The following RBFOX1 variants were observed in gnomAD, a reference collection of about 807,000 sequenced individuals.
RBFOX1 encodes the protein RNA binding fox-1 homolog 1, also known as RNA binding protein fox-1 homolog 1.
Under a neutral mutation model 57.7 loss-of-function variants are expected in RBFOX1, and 8 were observed. That is an observed-to-expected ratio of 0.14 (90% confidence interval 0.08 to 0.25). The LOEUF is 0.25. RBFOX1 is among the 10% of genes least tolerant of loss of function. The pLI is 1.00. For synonymous variants in RBFOX1, 326 were observed against 222.4 expected (o/e 1.47, Z -4.15); for missense variants, 611 against 548.5 (o/e 1.11, Z -1.14).
At chr16:5,687,860 G>A (rs957164837) in intron 3 of RBFOX1, among the ~76,000 whole-genome samples, 1 of 152,118 alleles carries the variant, frequency 6.6e-6, no homozygotes, top group Non-Finnish European at 1.5e-5. Context: ...TACATTTGTG[G>A]TTGGCATCCC....
At chr16:7,708,423 C>G (rs1381521970) in intron 14 of RBFOX1, among the ~76,000 whole-genome samples, 1 of 152,138 alleles carries the variant, frequency 6.6e-6, no homozygotes, top group Non-Finnish European at 1.5e-5. Context: ...AATGCCTCCC[C>G]CTTCCCAGAA....
intron 4 of RBFOX1, among the ~76,000 whole-genome samples, chr16:5,945,742 C>T (rs146360845): frequency 6.6e-6 from 1 of 152,344 alleles, no homozygotes; most frequent in African/African-American, 2.4e-5. Context: ...ATCACCACCC[C>T]TGACTTTGCC....
intron 4 of RBFOX1, among the ~76,000 whole-genome samples, chr16:7,441,822 C>G (rs2149904533): frequency 6.6e-6 from 1 of 152,292 alleles, no homozygotes; most frequent in South Asian, 2.1e-4. Flanking sequence ...CAGGACTCAC[C>G]TTCGCCCAGC....
chr16:6,616,234 C>G (rs2098139067), intron 2 of RBFOX1, among the ~76,000 whole-genome samples: 1 of 152,134 alleles, frequency 6.6e-6, no homozygotes, highest in Non-Finnish European at 1.5e-5. Flanking sequence ...AATGTCTGTG[C>G]TCATATTCTC....
At chr16:7,648,043 G>A (rs892733985) in intron 11 of RBFOX1, among the ~76,000 whole-genome samples, 1 of 152,044 alleles carries the variant, frequency 6.6e-6, no homozygotes, top group East Asian at 1.9e-4. Flanking sequence ...CACCACACCT[G>A]TAGGCAAATA....
intron 3 of RBFOX1, among the ~76,000 whole-genome samples, chr16:5,796,443 C>G (rs2054881680): frequency 6.6e-6 from 1 of 152,142 alleles, no homozygotes. Flanking sequence ...TCAAAAGCAT[C>G]ACATGGGGTC....
chr16:5,870,913 A>G (rs116715378), intron 4 of RBFOX1, among the ~76,000 whole-genome samples: 1,729 of 152,210 alleles, frequency 0.011, 40 homozygotes, highest in African/African-American at 0.038. Flanking sequence ...TTTAAGCAGA[A>G]CAAACCCCAC....
intron 4 of RBFOX1, among the ~76,000 whole-genome samples, chr16:7,194,803 C>T (rs533744865): frequency 7.4e-4 from 113 of 151,912 alleles, no homozygotes; most frequent in African/African-American, 2.4e-3. Flanking sequence ...TGGTGCATGC[C>T]TGTGGTTCTC....
intron 14 of RBFOX1, among the ~76,000 whole-genome samples, chr16:7,700,505 G>A (rs1439083593): frequency 6.6e-6 from 1 of 152,146 alleles, no homozygotes; most frequent in Non-Finnish European, 1.5e-5. Flanking sequence ...TCTCATAAGG[G>A]ATACAATTTG....
intron 4 of RBFOX1, among the ~76,000 whole-genome samples, chr16:7,376,142 C>G (rs915654152): frequency 1.1e-4 from 17 of 152,108 alleles, no homozygotes; most frequent in Non-Finnish European, 1.9e-4. Context: ...ATTTAGTAAG[C>G]AAGGGATGAT....
At chr16:6,582,118 C>G (rs1045962509) in intron 2 of RBFOX1, among the ~76,000 whole-genome samples, 3 of 152,088 alleles carry the variant, frequency 2.0e-5, no homozygotes, top group African/African-American at 7.2e-5. Context: ...AGCATTGAGG[C>G]TGAGAAAGCT....
intron 1 of RBFOX1, among the ~76,000 whole-genome samples, chr16:6,213,542 C>A (rs1208745107): frequency 6.6e-6 from 1 of 152,212 alleles, no homozygotes; most frequent in Non-Finnish European, 1.5e-5. Context: ...GTACCGCCTT[C>A]TGCTATGCTG....
At chr16:7,331,448 C>G (rs1005123663) in intron 4 of RBFOX1, among the ~76,000 whole-genome samples, 3 of 152,164 alleles carry the variant, frequency 2.0e-5, no homozygotes, top group African/African-American at 7.2e-5. Context: ...TGGAACTACA[C>G]ACACCCACAT....
At chr16:6,412,909 A>T (rs980304020) in intron 2 of RBFOX1, among the ~76,000 whole-genome samples, 12 of 152,230 alleles carry the variant, frequency 7.9e-5, no homozygotes, top group African/African-American at 2.9e-4. Flanking sequence ...TGGCACTATC[A>T]GAAACGGAAC....
intron 12 of RBFOX1, among the ~76,000 whole-genome samples, chr16:7,660,562 G>A (rs560670571): frequency 6.6e-5 from 10 of 152,262 alleles, no homozygotes; most frequent in South Asian, 6.2e-4. Context: ...GAACTTTCCC[G>A]TAACCAGCTC....
At chr16:7,121,220 C>G (rs111899869) in intron 4 of RBFOX1, among the ~76,000 whole-genome samples, 3 of 152,012 alleles carry the variant, frequency 2.0e-5, no homozygotes, top group Non-Finnish European at 2.9e-5. Context: ...AGGAGCTCCA[C>G]TCTCACCAAA....
chr16:7,360,476 G>GA (rs2097300037), intron 4 of RBFOX1, among the ~76,000 whole-genome samples: 1 of 152,090 alleles, frequency 6.6e-6, no homozygotes. Context: ...ACTAATTCTT[G>GA]AAAAACTCAC....
chr16:7,593,855 G>C (rs1402739454), intron 7 of RBFOX1, among the ~76,000 whole-genome samples: 1 of 152,114 alleles, frequency 6.6e-6, no homozygotes, highest in African/African-American at 2.4e-5. Flanking sequence ...GCTGTCTATA[G>C]AATCCCGACA....
intron 2 of RBFOX1, among the ~76,000 whole-genome samples, chr16:5,503,040 C>G (rs1022539338): frequency 6.6e-6 from 1 of 152,194 alleles, no homozygotes; most frequent in African/African-American, 2.4e-5. Flanking sequence ...TTTTCAGATG[C>G]CCCATGCAAG....
Sources: allele counts gnomAD v4.1 joint callset (sites outside exome capture counted in the v4.1 genomes callset), GRCh38; gene constraint gnomAD v4.1.1; transcripts MANE v1.5; gene names NCBI Gene and HGNC (gene_info 2026-07-23, HGNC 2026-07-21).